PRKD1: variants seen among roughly 807,000 people sequenced by gnomAD.
The protein encoded by PRKD1 is protein kinase D1, also known as serine/threonine-protein kinase D1.
PRKD1 carries 63 observed loss-of-function variants against 95.9 expected under a neutral mutation model. That is an observed-to-expected ratio of 0.66 (90% CI 0.54 to 0.81). The LOEUF is 0.81. Ranked by LOEUF, PRKD1 falls within the 30% of genes least tolerant of loss-of-function variation. The pLI, the probability that PRKD1 is intolerant of heterozygous loss-of-function variation, is 0.00. For synonymous variants in PRKD1, 425 were observed against 423.1 expected (o/e 1.00, Z -0.05); for missense variants, 1,048 against 1,165.3 (o/e 0.90, Z 1.47).
intron 1 of PRKD1, among the ~76,000 whole-genome samples, chr14:29,794,340 C>T (rs148590750): frequency 6.6e-6 from 1 of 151,610 alleles, no homozygotes; most frequent in Non-Finnish European, 1.5e-5. Context: ...TAAACAAACA[C>T]AAATAGAAAT....
At chr14:29,609,490 TTG>T (rs147951504) in intron 13 of PRKD1, among the ~76,000 whole-genome samples, 7 of 132,772 alleles carry the variant, frequency 5.3e-5, no homozygotes, top group African/African-American at 1.6e-4. Flanking sequence ...ACTAATCTAT[TTG>T]TGTGTGTGTG....
At chr14:29,769,939 C>T (rs994246647) in intron 1 of PRKD1, among the ~76,000 whole-genome samples, 1 of 152,144 alleles carries the variant, frequency 6.6e-6, no homozygotes, top group Admixed American at 6.5e-5. Context: ...TCCTCAATCT[C>T]CAATAGTATT....
At chr14:29,777,502 T>C (rs2139157145) in intron 1 of PRKD1, among the ~76,000 whole-genome samples, 1 of 152,260 alleles carries the variant, frequency 6.6e-6, no homozygotes, top group East Asian at 1.9e-4. Context: ...TCCTAGCCTC[T>C]GATAAAACAG....
chr14:29,581,229 G>T (rs1892745538), intron 16 of PRKD1, among the ~76,000 whole-genome samples: 1 of 151,874 alleles, frequency 6.6e-6, no homozygotes. Flanking sequence ...TGTACACCTC[G>T]ATTTTAATAG....
At chr14:29,588,020 C>G (rs369832918) in intron 16 of PRKD1, among the ~76,000 whole-genome samples, 2 of 152,248 alleles carry the variant, frequency 1.3e-5, no homozygotes, top group South Asian at 2.1e-4. Flanking sequence ...TTATGTCTGA[C>G]AGTGTGTTAA....
chr14:29,593,024 C>T (rs911614524), intron 16 of PRKD1, among the ~76,000 whole-genome samples: 8 of 152,080 alleles, frequency 5.3e-5, no homozygotes, highest in Admixed American at 4.6e-4. Context: ...TGTACCCTGG[C>T]CCCACCTAGA....
In PRKD1 at chr14:29,765,374, G is replaced by A. The variant is rs10147443; in HGVS notation, c.265-39700C>T. On this transcript the variant is annotated intron_variant, in intron 1 of 17. Coordinates refer to ENST00000331968, the MANE Select transcript of PRKD1 (RefSeq NM_002742.3). ...ACACCCACCTGAATACTTTAGTATC[G>A]AGCCTGAGAACAAGACATGCTGTTG... 3.5e-3 allele frequency among the ~76,000 whole-genome samples: 539 copies of A among 152,124 alleles called. 5 individuals carry two copies. Among genetic ancestry groups the A allele is most frequent in the African/African-American group, 0.011 (439 of 41,520 alleles).
chr14:29,926,583 T>A (rs1399803382), intron 1 of PRKD1, among the ~76,000 whole-genome samples: 1 of 152,138 alleles, frequency 6.6e-6, no homozygotes, highest in Non-Finnish European at 1.5e-5. Context: ...GGGGTGTTCC[T>A]GGACATCACC....
intron 15 of PRKD1, among the ~76,000 whole-genome samples, chr14:29,598,318 AAAAT>A (rs1356897728): frequency 2.9e-4 from 35 of 119,440 alleles, no homozygotes; most frequent in African/African-American, 9.1e-4. Flanking sequence ...AAAATAAAAT[AAAAT>A]AAAAATAAAT....
intron 1 of PRKD1, among the ~76,000 whole-genome samples, chr14:29,799,233 CAAGT>C (rs1304674633): frequency 1.3e-5 from 2 of 152,168 alleles, no homozygotes; most frequent in African/African-American, 2.4e-5. Context: ...CTCAATTAAA[CAAGT>C]AATTGTTTTA....
intron 2 of PRKD1, among the ~76,000 whole-genome samples, chr14:29,720,756 G>A (rs1482301188): frequency 3.3e-5 from 5 of 150,732 alleles, no homozygotes; most frequent in African/African-American, 1.2e-4. Flanking sequence ...CTCCAGCCTG[G>A]GTGACAGAGC....
At chr14:29,818,453 A>T (rs1320606734) in intron 1 of PRKD1, among the ~76,000 whole-genome samples, 2 of 152,152 alleles carry the variant, frequency 1.3e-5, no homozygotes, top group African/African-American at 4.8e-5. Context: ...TAAGGAATTA[A>T]TTTTTAAGTA....
At chr14:29,702,205 G>A (rs1884876251) in intron 2 of PRKD1, among the ~76,000 whole-genome samples, 1 of 152,000 alleles carries the variant, frequency 6.6e-6, no homozygotes, top group Non-Finnish European at 1.5e-5. Flanking sequence ...ATGATTTATG[G>A]TTTATTATCA....
intron 1 of PRKD1, among the ~76,000 whole-genome samples, chr14:29,829,419 A>C (rs1490552770): frequency 1.3e-5 from 2 of 152,224 alleles, no homozygotes; most frequent in African/African-American, 4.8e-5. Flanking sequence ...CTCAAGTAGG[A>C]TATAAAATTA....
At chr14:29,589,254 TGTC>T (rs1893043417) in intron 16 of PRKD1, among the ~76,000 whole-genome samples, 1 of 152,220 alleles carries the variant, frequency 6.6e-6, no homozygotes, top group Admixed American at 6.5e-5. Context: ...GCTACAGGTC[TGTC>T]ATCATTTTCC....
intron 1 of PRKD1, among the ~76,000 whole-genome samples, chr14:29,882,878 C>T (rs6571323): frequency 0.49 from 74,326 of 151,856 alleles, 21,078 homozygotes; most frequent in African/African-American, 0.8. Context: ...TGTGTGTGCA[C>T]GTGTATACCA....
At chr14:29,834,304 T>G (rs1360972593) in intron 1 of PRKD1, among the ~76,000 whole-genome samples, 1 of 152,128 alleles carries the variant, frequency 6.6e-6, no homozygotes, top group African/African-American at 2.4e-5. Flanking sequence ...TTTGTTTGTA[T>G]TTTTGACATA....
chr14:29,870,761 T>C (rs548892646), intron 1 of PRKD1, among the ~76,000 whole-genome samples: 2 of 152,340 alleles, frequency 1.3e-5, no homozygotes, highest in African/African-American at 2.4e-5. Flanking sequence ...AAATGAATTA[T>C]ATTTAAAACT....
chr14:29,763,445 A>C (rs1479556454), intron 1 of PRKD1, among the ~76,000 whole-genome samples: 1 of 52,070 alleles, frequency 1.9e-5, no homozygotes, highest in African/African-American at 8.3e-5. Context: ...GGGAGGGGGG[A>C]GGGGAGTGGA....
Sources: allele counts gnomAD v4.1 joint callset (sites outside exome capture counted in the v4.1 genomes callset), GRCh38; gene constraint gnomAD v4.1.1; transcripts MANE v1.5; gene names NCBI Gene and HGNC (gene_info 2026-07-23, HGNC 2026-07-21).